The following MED17 variants were observed in gnomAD, a reference collection of about 807,000 sequenced individuals.
MED17 encodes the protein mediator complex subunit 17, also known as mediator of RNA polymerase II transcription subunit 17.
In MED17, 49 loss-of-function variants were observed where a neutral mutation model predicts 80.8. That is an observed-to-expected ratio of 0.61 (90% CI 0.48 to 0.77). MED17 has a LOEUF of 0.77. Among genes scored for constraint, MED17 ranks in the 30% least tolerant of loss-of-function variants. The pLI is 0.00. For synonymous variants in MED17, 281 were observed against 280.4 expected (o/e 1.00, Z -0.02); for missense variants, 718 against 787.0 (o/e 0.91, Z 1.05).
At chr11:93,788,409 T>C (rs1186343134) in intron 2 of MED17, 5 of 373,898 alleles carry the variant, frequency 1.3e-5, no homozygotes, top group East Asian at 6.0e-5. Flanking sequence ...AGGCCAGGCG[T>C]GGTGGCTCAC....
intron 8 of MED17, among the ~76,000 whole-genome samples, chr11:93,798,584 G>A (rs1259164386): frequency 2.6e-5 from 4 of 152,106 alleles, no homozygotes; most frequent in African/African-American, 7.2e-5. Flanking sequence ...GGGGAGACAC[G>A]TTAGAGAAGA....
chr11:93,793,841 T>G lies in MED17; in HGVS notation c.751T>G (p.Leu251Val). ...TCTTGATGTCCAAATTCCTAGTGAT[T>G]TAGAGGGGTCTGCATATATCAAGGT... is the stretch of plus-strand genomic sequence containing the variant. ...CPLDVQIPSD[L>V]EGSAYIKVSI... Residue 251 changes from leucine to valine, a missense_variant, in exon 4 of 12, where the codon TTA becomes GTA. Coordinates refer to ENST00000251871, the MANE Select transcript of MED17 (RefSeq NM_004268.5). 6.2e-7 allele frequency: 1 copy of G among 1,613,344 alleles called. No individual in the cohort carries two copies. The highest frequency in any genetic ancestry group is 8.5e-7 in the Non-Finnish European group (1 of 1,179,368).
At position 93,788,007 on chromosome 11, in the gene MED17, T is replaced by C. The variant is rs1308789006; in HGVS notation, c.257T>C (p.Val86Ala). ...SADQDDEEGV[V>A]KFQPSLWPWD... ...TTTCTCTCTCTCTTTTTAGGAGTGG[T>C]AAAATTTCAGCCTTCCCTTTGGCCT... The change falls in exon 2 of 12, where the codon GTA becomes GCA. Residue 86 changes from valine (V) to alanine (A), a missense_variant. Coordinates refer to ENST00000251871, the MANE Select transcript of MED17 (RefSeq NM_004268.5). 6.2e-7 allele frequency: 1 copy of C among 1,613,860 alleles called. No homozygotes were observed. The highest frequency in any genetic ancestry group is 1.1e-5 in the South Asian group (1 of 91,074).
intron 8 of MED17, among the ~76,000 whole-genome samples, chr11:93,797,962 G>A (rs1591386760): frequency 6.6e-6 from 1 of 152,274 alleles, no homozygotes; most frequent in East Asian, 1.9e-4. Context: ...CAACTGACTA[G>A]GAATGTGCCT....
chr11:93,809,812 A>G lies in MED17; in HGVS notation c.1680A>G (p.Ile560Met), dbSNP rs1944068066. Reference sequence around the variant, plus strand: ...GTAATCATGTGGGACTTGGACCTATAGAGAGCATTGGTAATGCATCTGCCA... The same window carrying G: ...GTAATCATGTGGGACTTGGACCTATGGAGAGCATTGGTAATGCATCTGCCA... ...SFSNHVGLGP[I>M]ESIGNASAIT... The change falls in exon 11 of 12, where the codon ATA (isoleucine) becomes ATG (methionine). Residue 560 changes from isoleucine (I) to methionine (M), a missense_variant. Ile to Met is a conservative substitution (Grantham distance 10). Transcript: ENST00000251871. 3.7e-6 allele frequency: 6 copies of G among 1,614,194 alleles called. No homozygotes were observed. The East Asian group carries it at 1.3e-4, about 36-fold the overall frequency.
Position 93,797,596 on chromosome 11 carries a change from A to G in MED17, c.1205A>G (p.His402Arg), listed in dbSNP as rs1219670575. ...CATCCAGCAAGTGCACCTTTTGGCCACAAGAGAATGAGACTTTCGGGTCCT... is the reference window on the plus strand; with the variant it reads ...CATCCAGCAAGTGCACCTTTTGGCCGCAAGAGAATGAGACTTTCGGGTCCT... ...MPHPASAPFGHKRMRLSGPQA... is the reference protein window; with the variant it reads ...MPHPASAPFGRKRMRLSGPQA... The change falls in exon 8 of 12, where the codon CAC becomes CGC. Residue 402 changes from histidine to arginine, a missense_variant. Physicochemically the swap from His to Arg is conservative, Grantham distance 29. Coordinates refer to ENST00000251871, the MANE Select transcript of MED17 (RefSeq NM_004268.5). The G allele has an allele frequency of 6.2e-7, 1 of 1,614,166 alleles. No homozygotes were observed.
chr11:93,797,871 C>T (rs1197199830), intron 8 of MED17, 152 bp downstream of exon 8: 5 of 684,946 alleles, frequency 7.3e-6, no homozygotes, highest in Non-Finnish European at 1.2e-5. Context: ...TAGACTGGGT[C>T]CTGTCAAGTC....
intron 11 of MED17, 75 bp from the exon 12 acceptor site, chr11:93,811,778 G>A (rs1944087065): frequency 7.8e-7 from 1 of 1,286,150 alleles, no homozygotes; most frequent in Non-Finnish European, 1.1e-6. Flanking sequence ...CAGTAGAATG[G>A]AGTTGTGGGA....
intron 1 of MED17, among the ~76,000 whole-genome samples, chr11:93,787,475 G>T (rs924910807): frequency 6.6e-5 from 10 of 152,134 alleles, no homozygotes; most frequent in African/African-American, 2.4e-4. Flanking sequence ...TACCTCTCAG[G>T]AGGGGAGAGA....
chr11:93,796,670 G>A, intron 7 of MED17, 130 bp downstream of exon 7: 1 of 1,084,894 alleles, frequency 9.2e-7, no homozygotes, highest in Non-Finnish European at 1.4e-6. Context: ...TGATGTGAAA[G>A]ATCCTTGCTG....
chr11:93,804,022 TATATAC>T (rs1428063188), intron 9 of MED17, among the ~76,000 whole-genome samples: 245 of 12,442 alleles, frequency 0.02, 1 homozygote, highest in Non-Finnish European at 0.072. Context: ...TATATATATA[TATATAC>T]ACACACACAT....
chr11:93,794,145 A>G, intron 5 of MED17, 110 bp downstream of exon 5: 1 of 845,748 alleles, frequency 1.2e-6, no homozygotes, highest in Non-Finnish European at 2.0e-6. Flanking sequence ...AGTAAGAACA[A>G]TTCAAAATAT....
At chr11:93,796,389 C>T (rs775297943) in intron 6 of MED17, 21 bp from the exon 7 acceptor site, 1 of 1,599,646 alleles carries the variant, frequency 6.3e-7, no homozygotes, top group Non-Finnish European at 8.6e-7. Flanking sequence ...TTACATATGT[C>T]CTCCTTCTTT....
chr11:93,803,658 C>T (rs976748021), intron 9 of MED17, among the ~76,000 whole-genome samples: 3 of 151,954 alleles, frequency 2.0e-5, no homozygotes, highest in African/African-American at 4.8e-5. Context: ...GCCTTTTGCC[C>T]TCCTACTGTT....
In MED17 at chr11:93,795,065, G is replaced by C. The variant is rs1943885923; in HGVS notation, c.1012+5G>C. The C allele has an allele frequency of 6.2e-7, 1 of 1,614,044 alleles. No homozygotes were observed. Among genetic ancestry groups the C allele is most frequent in the South Asian group, 1.1e-5 (1 of 91,090 alleles). On this transcript the variant is annotated splice_donor_5th_base_variant and intron_variant, in intron 6 of 11. Coordinates refer to ENST00000251871, the MANE Select transcript of MED17 (RefSeq NM_004268.5). ...TTATCTCTCAGCCCTTTCCGAGTAA[G>C]AGCAGCCCTTTTTCGACTTTATGAA...
intron 9 of MED17, chr11:93,806,481 A>G (rs886406262): frequency 6.6e-6 from 1 of 152,200 alleles, no homozygotes; most frequent in African/African-American, 2.4e-5. Flanking sequence ...TTGCTTTGGA[A>G]GAGTGCAGTG....
chr11:93,808,286 C>T (rs575080665), intron 10 of MED17: 67 of 151,470 alleles, frequency 4.4e-4, no homozygotes, highest in African/African-American at 1.5e-3. Context: ...TTGCCTGAGC[C>T]TGGGTGTTCA....
chr11:93,801,665 A>G (rs1943963053), intron 8 of MED17, 170 bp from the exon 9 acceptor site: 1 of 623,136 alleles, frequency 1.6e-6, no homozygotes, highest in East Asian at 2.9e-5. Flanking sequence ...TTCAAGCAGT[A>G]TGAAAGGGTT....
chr11:93,790,854 C>G, intron 3 of MED17, 61 bp downstream of exon 3: 4 of 1,451,162 alleles, frequency 2.8e-6, no homozygotes, highest in Non-Finnish European at 3.8e-6. Flanking sequence ...TGCGTGTAAT[C>G]CTAGCACTTT....
Sources: gnomAD v4.1 joint callset for allele counts (sites outside exome capture counted in the v4.1 genomes callset) on GRCh38, gnomAD v4.1.1 for gene constraint, MANE v1.5 for transcripts, NCBI Gene and HGNC (gene_info 2026-07-23, HGNC 2026-07-21) for gene names.